ELAPOR2: variants seen among roughly 807,000 people sequenced by gnomAD.
ELAPOR2 encodes the protein endosome/lysosome-associated apoptosis and autophagy regulator family member 2.
In ELAPOR2, 89 loss-of-function variants were observed where a neutral mutation model predicts 120.7. The observed-to-expected ratio is 0.74, with a 90% CI of 0.62 to 0.88. The LOEUF (loss-of-function observed/expected upper bound fraction) is 0.88, where lower values mean the gene tolerates loss of function less well. Among genes scored for constraint, ELAPOR2 ranks in the 40% least tolerant of loss-of-function variants. The probability of loss-of-function intolerance (pLI) is 0.00; values close to 1 mark genes in which losing one functional copy is unlikely to be tolerated. For synonymous variants in ELAPOR2, 444 were observed against 444.9 expected (o/e 1.00, Z 0.03); for missense variants, 1,134 against 1,251.6 (o/e 0.91, Z 1.42).
At chr7:87,053,801 C>T (rs1434770866) in intron 1 of ELAPOR2, among the ~76,000 whole-genome samples, 1 of 152,166 alleles carries the variant, frequency 6.6e-6, no homozygotes, top group Non-Finnish European at 1.5e-5. Context: ...CTCACCATCA[C>T]CCACAACCTG....
intron 16 of ELAPOR2, 52 bp from the exon 17 acceptor site, chr7:86,908,595 T>C (rs888072626): frequency 2.0e-5 from 16 of 808,952 alleles, no homozygotes; most frequent in Non-Finnish European, 3.0e-5. Flanking sequence ...ATTAGTTTTA[T>C]TTGGTCTCCG....
intron 1 of ELAPOR2, among the ~76,000 whole-genome samples, chr7:86,966,507 G>C (rs1433973520): frequency 6.6e-6 from 1 of 152,012 alleles, no homozygotes; most frequent in African/African-American, 2.4e-5. Flanking sequence ...TCTGTTCAAG[G>C]CCATCTAGAC....
intron 1 of ELAPOR2, among the ~76,000 whole-genome samples, chr7:87,056,217 C>T (rs1456761945): frequency 6.6e-6 from 1 of 152,170 alleles, no homozygotes; most frequent in Non-Finnish European, 1.5e-5. Flanking sequence ...ACTAATCTAG[C>T]AATAATCAGC....
At chr7:86,983,558 A>G (rs1278472668) in intron 1 of ELAPOR2, among the ~76,000 whole-genome samples, 1 of 152,250 alleles carries the variant, frequency 6.6e-6, no homozygotes, top group Non-Finnish European at 1.5e-5. Context: ...AAGAATTTGC[A>G]GCCCAGGATT....
At chr7:86,977,234 A>C (rs1016382762) in intron 1 of ELAPOR2, among the ~76,000 whole-genome samples, 4 of 152,184 alleles carry the variant, frequency 2.6e-5, no homozygotes, top group African/African-American at 4.8e-5. Flanking sequence ...ACAAAGATTT[A>C]AGTAACCTCC....
chr7:87,031,717 A>C (rs545680179), intron 1 of ELAPOR2, among the ~76,000 whole-genome samples: 35 of 152,330 alleles, frequency 2.3e-4, no homozygotes, highest in Non-Finnish European at 3.8e-4. Flanking sequence ...GTTAGTATTT[A>C]ATGATCATAG....
chr7:86,914,141 A>G (rs570965514), intron 13 of ELAPOR2, among the ~76,000 whole-genome samples: 25 of 152,174 alleles, frequency 1.6e-4, no homozygotes, highest in Non-Finnish European at 3.1e-4. Context: ...GGTTACATCT[A>G]TAGAGATCCA....
At chr7:86,986,035 A>C (rs1265391824) in intron 1 of ELAPOR2, among the ~76,000 whole-genome samples, 11 of 152,024 alleles carry the variant, frequency 7.2e-5, no homozygotes, top group Non-Finnish European at 1.5e-4. Flanking sequence ...ACTCCTATTC[A>C]ACATAGTGTT....
chr7:86,938,477 T>C (rs1440760309), intron 7 of ELAPOR2, among the ~76,000 whole-genome samples: 3 of 152,006 alleles, frequency 2.0e-5, no homozygotes, highest in Non-Finnish European at 2.9e-5. Context: ...TCACTATACA[T>C]TGGAAATTTG....
Position 87,046,585 on chromosome 7 carries a change from T to C in ELAPOR2, c.189+12740A>G, listed in dbSNP as rs551807668. 7.2e-5 allele frequency among the ~76,000 whole-genome samples: 11 copies of C among 152,316 alleles called. No homozygotes were observed. The East Asian group carries it at 1.9e-3, about 27-fold the overall frequency. ...CGGAGGGAACTGTAGTCCCCACATG[T>C]CAAGGGAGGGAGGTGATTTGATCTT... is the stretch of plus-strand genomic sequence containing the variant. On this transcript the variant is annotated intron_variant, in intron 1 of 21. Coordinates refer to ENST00000450689, the MANE Select transcript of ELAPOR2 (RefSeq NM_001142749.3).
chr7:86,896,520 A>G (rs1362461636), intron 19 of ELAPOR2, among the ~76,000 whole-genome samples: 1 of 152,042 alleles, frequency 6.6e-6, no homozygotes, highest in African/African-American at 2.4e-5. Context: ...CAAGCTCTTC[A>G]AGACCTTCCT....
intron 1 of ELAPOR2, among the ~76,000 whole-genome samples, chr7:86,974,342 T>A (rs1287777098): frequency 6.6e-6 from 1 of 152,158 alleles, no homozygotes; most frequent in Admixed American, 6.6e-5. Flanking sequence ...ATTCCACTTC[T>A]AGGCATGTAA....
chr7:86,904,065 A>T (rs1456536794), intron 18 of ELAPOR2, among the ~76,000 whole-genome samples: 1 of 152,174 alleles, frequency 6.6e-6, no homozygotes, highest in South Asian at 2.1e-4. Flanking sequence ...TTAGAAAATT[A>T]TTCCATCGTG....
At chr7:87,012,539 G>A (rs1793724458) in intron 1 of ELAPOR2, among the ~76,000 whole-genome samples, 1 of 152,090 alleles carries the variant, frequency 6.6e-6, no homozygotes, top group African/African-American at 2.4e-5. Flanking sequence ...CTAAGCTAGG[G>A]ATCATTTTTG....
chr7:86,886,876 T>C lies in ELAPOR2; in HGVS notation c.3030+4848A>G, dbSNP rs569399513. 2.6e-5 allele frequency among the ~76,000 whole-genome samples: 4 copies of C among 152,246 alleles called. No individual in the cohort carries two copies. In the East Asian group the frequency reaches 5.8e-4, roughly 22 times the overall value. On this transcript the variant is annotated intron_variant, in intron 21 of 21. Transcript: ENST00000450689. ...TGGGCCTGGTTCACTGATGATTTGG[T>C]TGAGCTGAAGCCCAGTGGTATCCAC...
intron 2 of ELAPOR2, among the ~76,000 whole-genome samples, chr7:86,961,759 G>T (rs187305944): frequency 3.5e-4 from 53 of 152,362 alleles, no homozygotes; most frequent in African/African-American, 1.3e-3. Context: ...AACAAAGAGT[G>T]TTGTGGTTCA....
chr7:86,936,745 C>T (rs890156673), intron 8 of ELAPOR2, among the ~76,000 whole-genome samples: 6 of 152,154 alleles, frequency 3.9e-5, no homozygotes, highest in South Asian at 2.1e-4. Context: ...ATTTAATATA[C>T]GGTCTTGCAT....
chr7:87,055,164 C>G (rs1055331223), intron 1 of ELAPOR2, among the ~76,000 whole-genome samples: 4 of 152,184 alleles, frequency 2.6e-5, no homozygotes, highest in African/African-American at 9.7e-5. Context: ...TAATACCTAA[C>G]TGCCTACTCA....
At chr7:86,934,091 T>C (rs915913624) in intron 8 of ELAPOR2, among the ~76,000 whole-genome samples, 2 of 152,036 alleles carry the variant, frequency 1.3e-5, no homozygotes, top group Non-Finnish European at 2.9e-5. Flanking sequence ...GAATATTCTT[T>C]AATTTATCTA....
Sources: gnomAD v4.1 joint callset for allele counts (sites outside exome capture counted in the v4.1 genomes callset) on GRCh38, gnomAD v4.1.1 for gene constraint, MANE v1.5 for transcripts, NCBI Gene and HGNC (gene_info 2026-07-23, HGNC 2026-07-21) for gene names.